Variants in MACF1 observed in about 807,000 individuals in gnomAD.
The protein encoded by MACF1 is microtubule actin crosslinking factor 1, also known as microtubule-actin cross-linking factor 1.
MACF1 carries 193 observed loss-of-function variants against 854.8 expected under a neutral mutation model. That is an observed-to-expected ratio of 0.23 (90% CI 0.20 to 0.25). The LOEUF is 0.25. Ranked by LOEUF, MACF1 falls within the 10% of genes least tolerant of loss-of-function variation. The pLI, the probability that MACF1 is intolerant of heterozygous loss-of-function variation, is 1.00. For synonymous variants in MACF1, 3,185 were observed against 3,226.7 expected (o/e 0.99, Z 0.44); for missense variants, 7,722 against 8,929.1 (o/e 0.86, Z 5.45).
chr1:39,332,429 G>T lies in MACF1; in HGVS notation c.5841G>T (p.Pro1947=), dbSNP rs148806845. 11 of 1,613,870 alleles carry T rather than the reference G, an allele frequency of 6.8e-6. No homozygotes were observed. Among genetic ancestry groups the T allele is most frequent in the South Asian group, 1.1e-5 (1 of 91,080 alleles). The change falls in exon 37 of 101, where the codon CCG becomes CCT. Residue 1947 remains proline, a synonymous_variant. Transcript: ENST00000564288. ...TTAATCCTGGAGCAGCAGTTCTACCGTGCAGCAAGAGCCACCCTAAGGCCA... is the reference window on the plus strand; with the variant it reads ...TTAATCCTGGAGCAGCAGTTCTACCTTGCAGCAAGAGCCACCCTAAGGCCA... The part of the protein sequence containing the change: ...QNINPGAAVL[P]CSKSHPKATA...
rs572319811 is a variant in MACF1 at position 39,269,368 on chromosome 1, A to G, written c.528+11340A>G. On this transcript the variant is annotated intron_variant, in intron 6 of 100. Coordinates refer to ENST00000564288, the MANE Select transcript of MACF1 (RefSeq NM_001394062.1). Reference sequence around the variant, plus strand: ...TTTTCAGAGGGCTGGAGTGTGGAGGAAGGAACCAAGAGTGTTTCAGGTGCC... The same window carrying G: ...TTTTCAGAGGGCTGGAGTGTGGAGGGAGGAACCAAGAGTGTTTCAGGTGCC... The G allele has an allele frequency of 2.3e-6, 3 of 1,289,822 alleles. No homozygotes were observed. In the South Asian group the frequency reaches 3.7e-5, roughly 16 times the overall value. 79.9% of individuals were successfully genotyped at this position (1,289,822 alleles called of 1,614,324 possible). A position where few individuals can be genotyped will look rare whatever the true frequency, so the allele number is the denominator to read the frequency against.
chr1:39,412,406 T>C, intron 58 of MACF1: 1 of 1,613,932 alleles, frequency 6.2e-7, no homozygotes, highest in South Asian at 1.1e-5. Context: ...GTGGAGAAAG[T>C]TTGTGATGAG....
chr1:39,429,881 C>T lies in MACF1; in HGVS notation c.16943C>T (p.Ala5648Val), dbSNP rs1423869118. 1 of 1,614,072 alleles carries T rather than the reference C, an allele frequency of 6.2e-7. No homozygotes were observed. Among genetic ancestry groups the T allele is most frequent in the South Asian group, 1.1e-5 (1 of 91,084 alleles). The stretch of plus-strand genomic sequence containing the variant: ...CTAGATGGTATAAAGACTCGTTACG[C>T]AGACATCACAGTTACTAGCTCCAAG... Reference protein sequence around the residue: ...EKLDGIKTRYADITVTSSKAL... With the variant: ...EKLDGIKTRYVDITVTSSKAL... The change falls in exon 65 of 101, where the codon GCA becomes GTA. Residue 5648 changes from alanine (A) to valine (V), a missense_variant. Physicochemically the swap from Ala to Val is moderately conservative, Grantham distance 64. This residue lies in a region of MACF1 where 2,807 missense variants were observed against 3,235.8 expected (regional missense o/e 0.87). Coordinates refer to ENST00000564288, the MANE Select transcript of MACF1 (RefSeq NM_001394062.1).
intron 2 of MACF1, among the ~76,000 whole-genome samples, chr1:39,240,337 T>C (rs1644907769): frequency 6.6e-6 from 1 of 152,190 alleles, no homozygotes; most frequent in Non-Finnish European, 1.5e-5. Context: ...TATATGGTAG[T>C]GGTTTGTGGC....
chr1:39,332,625 C>CA lies in MACF1; in HGVS notation c.6043dup (p.Thr2015AsnfsTer3). On this transcript the variant is annotated frameshift_variant, in exon 37 of 101. Transcript: ENST00000564288. LOFTEE classifies it high-confidence loss of function. ...AGTGGTTGAAATTGGGCATCAAAGG[C>CA]AAAAAACTCCTGAGGGATTGCAAGA... 6.2e-7 allele frequency: 1 copy of CA among 1,613,582 alleles called. No homozygotes were observed. Among genetic ancestry groups the CA allele is most frequent in the Non-Finnish European group, 8.5e-7 (1 of 1,179,854 alleles).
chr1:39,113,362 T>C (rs1006656452), intron 2 of MACF1, among the ~76,000 whole-genome samples: 1 of 152,130 alleles, frequency 6.6e-6, no homozygotes, highest in Non-Finnish European at 1.5e-5. Context: ...TTCCTGCAGG[T>C]TGAAAACTAT....
rs774654924 is a variant in MACF1, at chr1:39,293,583, C to T, written c.2118C>T (p.Asn706=). 28 of 1,613,548 alleles carry T rather than the reference C, an allele frequency of 1.7e-5. No homozygotes were observed. Among genetic ancestry groups the T allele is most frequent in the Non-Finnish European group, 1.9e-5 (23 of 1,179,650 alleles). ...AACTAGCATATGACTGGAGTGACAA[C>T]AATTCCAATATCTCAGCCAAGAGAA... The part of the protein sequence containing the change: ...EEELAYDWSD[N]NSNISAKRNY... The change falls in exon 18 of 101, where the codon AAC becomes AAT. Residue 706 remains asparagine (N), a synonymous_variant. Transcript: ENST00000564288.
At chr1:39,359,317 C>G (rs1647858920) in intron 47 of MACF1, 53 bp downstream of exon 47, 1 of 1,586,052 alleles carries the variant, frequency 6.3e-7, no homozygotes. Context: ...GTATGTACCT[C>G]TATTCTGCAA....
At chr1:39,410,873 T>G (rs1258024009) in intron 58 of MACF1, 1 of 1,614,054 alleles carries the variant, frequency 6.2e-7, no homozygotes, top group Non-Finnish European at 8.5e-7. Context: ...TCCATAGGTA[T>G]TCCAGAGGTG....
intron 99 of MACF1, among the ~76,000 whole-genome samples, chr1:39,483,335 T>G (rs79537635): frequency 0.014 from 2,188 of 152,136 alleles, 40 homozygotes; most frequent in African/African-American, 0.05. Context: ...GGGGAGAGAA[T>G]AGAAGTGTAC....
intron 1 of MACF1, 77 bp from the exon 2 acceptor site, chr1:39,231,105 T>C (rs1254607120): frequency 2.9e-6 from 3 of 1,045,940 alleles, no homozygotes; most frequent in Non-Finnish European, 4.5e-6. Flanking sequence ...GAAACAGAGA[T>C]GTGGGCAGGG....
chr1:39,297,816 T>C lies in MACF1; in HGVS notation c.2481+71T>C, dbSNP rs979299306. 4.5e-6 allele frequency: 7 copies of C among 1,570,358 alleles called. No individual in the cohort carries two copies. In the African/African-American group the frequency reaches 9.5e-5, roughly 21 times the overall value. On this transcript the variant is annotated intron_variant, in intron 21 of 100. Coordinates refer to ENST00000564288, the MANE Select transcript of MACF1 (RefSeq NM_001394062.1). ...AAACCATATCAGCTGCTGCTGTTTA[T>C]ATCCTTGAAAGCTCCAGGGCAATGG...
chr1:39,168,865 G>C (rs1439829199), intron 2 of MACF1, among the ~76,000 whole-genome samples: 1 of 152,098 alleles, frequency 6.6e-6, no homozygotes, highest in Non-Finnish European at 1.5e-5. Context: ...CTGGGCTCAA[G>C]TGATCCATCC....
chr1:39,165,507 ATT>A (rs1038008945), intron 2 of MACF1, among the ~76,000 whole-genome samples: 1 of 151,930 alleles, frequency 6.6e-6, no homozygotes, highest in Non-Finnish European at 1.5e-5. Context: ...TGCAATGTGT[ATT>A]TTTTTTGTTA....
chr1:39,195,926 T>C (rs1644313815), intron 2 of MACF1, among the ~76,000 whole-genome samples: 1 of 152,230 alleles, frequency 6.6e-6, no homozygotes, highest in South Asian at 2.1e-4. Context: ...AGGTAAGTTA[T>C]CAGTTGCCAA....
chr1:39,284,634 T>G (rs1645609877), intron 11 of MACF1, among the ~76,000 whole-genome samples: 2 of 152,216 alleles, frequency 1.3e-5, no homozygotes, highest in Admixed American at 6.5e-5. Flanking sequence ...TTAAAGGGCT[T>G]ATTGAAAAAT....
At chr1:39,247,685 T>G (rs1644997589) in intron 2 of MACF1, among the ~76,000 whole-genome samples, 1 of 152,228 alleles carries the variant, frequency 6.6e-6, no homozygotes, top group South Asian at 2.1e-4. Context: ...CTTGTTTTGT[T>G]TATTGTTTAG....
At position 39,359,206 on chromosome 1, in the gene MACF1, C is replaced by A. The variant is rs1363646997; in HGVS notation, c.12186C>A (p.Asp4062Glu). 1 of 1,614,038 alleles carries A rather than the reference C, an allele frequency of 6.2e-7. No individual in the cohort carries two copies. Among genetic ancestry groups the A allele is most frequent in the Non-Finnish European group, 8.5e-7 (1 of 1,179,970 alleles). ...PVEKLQKVAR[D>E]IMEIEGEPAP... ...AAAAACTCCAAAAAGTAGCTCGTGA[C>A]ATAATGGAAATTGAAGGGGAGCCAG... Residue 4062 changes from aspartate (D) to glutamate (E), a missense_variant, in exon 47 of 101, where the codon GAC becomes GAA. By Grantham distance (45) the Asp-to-Glu change is conservative (BLOSUM62 2). This residue lies in a region of MACF1 where 2,807 missense variants were observed against 3,235.8 expected (regional missense o/e 0.87). Transcript: ENST00000564288.
At chr1:39,248,206 CAT>C (rs1238396515) in intron 2 of MACF1, among the ~76,000 whole-genome samples, 1 of 152,186 alleles carries the variant, frequency 6.6e-6, no homozygotes, top group African/African-American at 2.4e-5. Flanking sequence ...TCTACTAAAA[CAT>C]TTGCTAATCC....
Sources: gnomAD v4.1 joint callset for allele counts (sites outside exome capture counted in the v4.1 genomes callset) on GRCh38, gnomAD v4.1.1 for gene constraint, gnomAD v4.1.1 regional missense constraint, MANE v1.5 for transcripts, NCBI Gene and HGNC (gene_info 2026-07-23, HGNC 2026-07-21) for gene names.